The following HUNK variants were observed in gnomAD, a reference collection of about 807,000 sequenced individuals.
HUNK encodes hormonally up-regulated neu tumor-associated kinase.
HUNK carries 21 observed loss-of-function variants against 61.0 expected under a neutral mutation model. The ratio of observed to expected loss-of-function variants is 0.34; its 90% CI spans 0.24 to 0.50. The LOEUF (loss-of-function observed/expected upper bound fraction) is 0.50, where lower values mean the gene tolerates loss of function less well. HUNK is among the 20% of genes least tolerant of loss of function. The pLI, the probability that HUNK is intolerant of heterozygous loss-of-function variation, is 0.98. For missense variants in HUNK, 772 were observed against 945.7 expected, an observed-to-expected ratio of 0.82 and a Z score of 2.41; for synonymous variants, 371 against 386.1, an observed-to-expected ratio of 0.96 and a Z score of 0.46.
At chr21:31,965,662 C>T (rs752632762) in intron 5 of HUNK, among the ~76,000 whole-genome samples, 9 of 146,044 alleles carry the variant, frequency 6.2e-5, no homozygotes, top group East Asian at 2.0e-4. Context: ...AGTGCAATGG[C>T]GTGATCTCAG....
At chr21:31,892,158 A>ATATATAT (rs1363557506) in intron 1 of HUNK, among the ~76,000 whole-genome samples, 3 of 112,050 alleles carry the variant, frequency 2.7e-5, no homozygotes, top group East Asian at 3.1e-4. Flanking sequence ...TAAAAAAAAA[A>ATATATAT]AAAAATATAT....
At chr21:31,961,613 C>T (rs1601399909) in intron 5 of HUNK, among the ~76,000 whole-genome samples, 1 of 152,110 alleles carries the variant, frequency 6.6e-6, no homozygotes. Context: ...TATCTCATTG[C>T]AGTACAAATA....
At chr21:31,911,482 A>G (rs550785134) in intron 1 of HUNK, among the ~76,000 whole-genome samples, 4 of 152,274 alleles carry the variant, frequency 2.6e-5, no homozygotes, top group Non-Finnish European at 5.9e-5. Context: ...CTGAGGAACA[A>G]CGAGGAGGCG....
Position 32,003,657 on chromosome 21 carries a change from T to G in HUNK, c.*4473T>G, listed in dbSNP as rs1262368558. ...CTGAGTAGTAAATGAGTATATTATT[T>G]GTGGCAGCTTTTCTGTTAAGGGAGC... is the stretch of plus-strand genomic sequence containing the variant. On this transcript the variant is annotated 3_prime_UTR_variant, in exon 11 of 11. Transcript: ENST00000270112. 1 of 152,208 alleles carries G rather than the reference T, an allele frequency of 6.6e-6. No individual in the cohort carries two copies. The highest frequency in any genetic ancestry group is 1.5e-5 in the Non-Finnish European group (1 of 68,042). 9.4% of individuals were successfully genotyped at this position (152,208 alleles called of 1,614,324 possible).
At chr21:31,922,574 T>A (rs2009202) in intron 1 of HUNK, among the ~76,000 whole-genome samples, 1 of 152,134 alleles carries the variant, frequency 6.6e-6, no homozygotes. Context: ...TAATTCACCC[T>A]CCTCGGCCTC....
At chr21:31,975,096 C>T (rs940818300) in intron 7 of HUNK, among the ~76,000 whole-genome samples, 1 of 152,014 alleles carries the variant, frequency 6.6e-6, no homozygotes, top group Non-Finnish European at 1.5e-5. Flanking sequence ...CAGTGCCTCC[C>T]GGGCATTTGT....
intron 2 of HUNK, among the ~76,000 whole-genome samples, chr21:31,929,385 G>A (rs1448419732): frequency 6.6e-6 from 1 of 151,954 alleles, no homozygotes. Context: ...GGTAGAGTGT[G>A]TTCTAACTTC....
At chr21:31,918,843 G>A (rs1445757179) in intron 1 of HUNK, among the ~76,000 whole-genome samples, 1 of 152,224 alleles carries the variant, frequency 6.6e-6, no homozygotes, top group African/African-American at 2.4e-5. Context: ...CCAGGGATTA[G>A]GATGTGGGCC....
chr21:31,905,974 A>G lies in HUNK; in HGVS notation c.262-18494A>G, dbSNP rs113739860. On this transcript the variant is annotated intron_variant, in intron 1 of 10. Transcript: ENST00000270112. ...ATTCCTGTGTTCAGTTTAGTGTACG[A>G]CTGTTATTTTAATTTTTTTTTTTCC... is the stretch of plus-strand genomic sequence containing the variant. Among the ~76,000 whole-genome samples the G allele has an allele frequency of 5.4e-3, 776 of 143,398 alleles. 8 individuals carry two copies. The highest frequency in any genetic ancestry group is 0.019 in the African/African-American group (730 of 39,416). The allele number at this position is 143,398 out of a possible 152,430, so 94.1% of individuals were successfully genotyped here. A position where few individuals can be genotyped will look rare whatever the true frequency, so the allele number is the denominator to read the frequency against.
rs1274009581 is a variant in HUNK, at chr21:31,907,265, G to GA, written c.262-17194dup. Among the ~76,000 whole-genome samples the GA allele has an allele frequency of 7.3e-5, 11 of 151,346 alleles. No homozygotes were observed. In the East Asian group the frequency reaches 9.7e-4, roughly 13 times the overall value. ...ACCAGATCTCAAGACGTCATAGTAT[G>GA]AAAAAAAAATGCAAAATATCTCCTT... On this transcript the variant is annotated intron_variant, in intron 1 of 10. Transcript: ENST00000270112.
At chr21:31,961,421 A>AC (rs1180720921) in intron 5 of HUNK, among the ~76,000 whole-genome samples, 2 of 152,226 alleles carry the variant, frequency 1.3e-5, no homozygotes, top group East Asian at 3.9e-4. Flanking sequence ...CCTAAGAGTG[A>AC]AATTGCTGGG....
At chr21:31,936,295 A>C (rs2052733185) in intron 2 of HUNK, among the ~76,000 whole-genome samples, 1 of 152,240 alleles carries the variant, frequency 6.6e-6, no homozygotes, top group Non-Finnish European at 1.5e-5. Flanking sequence ...ATGAGATTTT[A>C]GTGCCTTTTG....
At chr21:31,965,520 AACACTT>A (rs2052958469) in intron 5 of HUNK, among the ~76,000 whole-genome samples, 1 of 151,918 alleles carries the variant, frequency 6.6e-6, no homozygotes, top group Non-Finnish European at 1.5e-5. Context: ...ATCCAGCGAT[AACACTT>A]ACAGTGGTAA....
chr21:31,975,275 A>G (rs1055574835), intron 7 of HUNK, among the ~76,000 whole-genome samples: 1 of 152,188 alleles, frequency 6.6e-6, no homozygotes, highest in African/African-American at 2.4e-5. Context: ...TGGGGTTTCC[A>G]CAGCGTGGGG....
intron 1 of HUNK, among the ~76,000 whole-genome samples, chr21:31,923,330 C>T (rs116035959): frequency 0.011 from 1,694 of 151,800 alleles, 28 homozygotes; most frequent in African/African-American, 0.039. Flanking sequence ...AGTCCCAGCT[C>T]CTGGGAGGCT....
At chr21:31,931,345 A>G (rs1369065115) in intron 2 of HUNK, among the ~76,000 whole-genome samples, 2 of 151,814 alleles carry the variant, frequency 1.3e-5, no homozygotes, top group Non-Finnish European at 2.9e-5. Context: ...TCTTTTAAGT[A>G]TTTTCTGGAG....
chr21:31,921,501 G>A (rs1415706161), intron 1 of HUNK, among the ~76,000 whole-genome samples: 1 of 152,118 alleles, frequency 6.6e-6, no homozygotes, highest in Non-Finnish European at 1.5e-5. Context: ...CATGTCCCAG[G>A]GAGTGACAAG....
In HUNK at chr21:31,915,033, C is replaced by A. The variant is rs558544981; in HGVS notation, c.262-9435C>A. On this transcript the variant is annotated intron_variant, in intron 1 of 10. Coordinates refer to ENST00000270112, the MANE Select transcript of HUNK (RefSeq NM_014586.2). ...TAATTATCTCTTATCTGCTTGGGAC[C>A]AGAAGTGTTTTAGATTTGGGATTTT... 2.8e-5 allele frequency among the ~76,000 whole-genome samples: 4 copies of A among 145,174 alleles called. No individual in the cohort carries two copies. In the East Asian group the frequency reaches 6.2e-4, roughly 22 times the overall value.
chr21:31,890,449 G>A (rs1233203517), intron 1 of HUNK, among the ~76,000 whole-genome samples: 2 of 152,036 alleles, frequency 1.3e-5, no homozygotes, highest in Admixed American at 6.6e-5. Context: ...GGCTGGTCTC[G>A]AACTCCTGAC....
Sources: gnomAD v4.1 joint callset for allele counts (sites outside exome capture counted in the v4.1 genomes callset) on GRCh38, gnomAD v4.1.1 for gene constraint, MANE v1.5 for transcripts, NCBI Gene and HGNC (gene_info 2026-07-23, HGNC 2026-07-21) for gene names.